WWOX: variants seen among roughly 807,000 people sequenced by gnomAD.
WWOX encodes WW domain-containing oxidoreductase.
A neutral mutation model predicts 46.2 loss-of-function variants in WWOX; 69 were observed. The observed-to-expected ratio is 1.49, with a 90% CI of 1.23 to 1.82. WWOX has a LOEUF of 1.82. WWOX is among the 40% of genes most tolerant of loss of function. WWOX has a pLI of 0.00. For missense variants in WWOX, 919 were observed against 542.6 expected, an observed-to-expected ratio of 1.69 and a Z score of -6.89; for synonymous variants, 359 against 202.6, an observed-to-expected ratio of 1.77 and a Z score of -6.56.
At chr16:78,111,525 C>G (rs1024605431) in intron 3 of WWOX, among the ~76,000 whole-genome samples, 2 of 152,266 alleles carry the variant, frequency 1.3e-5, no homozygotes, top group African/African-American at 4.8e-5. Flanking sequence ...AGCGGTAACG[C>G]CAGTGTCTGG....
chr16:78,796,263 C>G (rs1014002206), intron 8 of WWOX, among the ~76,000 whole-genome samples: 1 of 152,244 alleles, frequency 6.6e-6, no homozygotes, highest in Non-Finnish European at 1.5e-5. Context: ...CTGTGATTCA[C>G]TGACCCAGAC....
chr16:78,996,452 C>G, intron 8 of WWOX: 2 of 521,522 alleles, frequency 3.8e-6, no homozygotes, highest in Non-Finnish European at 4.8e-6. Flanking sequence ...ATTCAAAGTG[C>G]TCAGCACTGG....
chr16:78,390,774 A>C (rs570001544), intron 6 of WWOX, among the ~76,000 whole-genome samples: 1 of 152,180 alleles, frequency 6.6e-6, no homozygotes, highest in African/African-American at 2.4e-5. Flanking sequence ...TCAGACATTA[A>C]AATTTTCTTG....
chr16:78,992,454 GAC>G (rs1454472717), intron 8 of WWOX, among the ~76,000 whole-genome samples: 1 of 152,128 alleles, frequency 6.6e-6, no homozygotes, highest in Non-Finnish European at 1.5e-5. Context: ...GCAAAAGAGT[GAC>G]ACTCTATCTC....
chr16:79,140,712 A>C (rs2050072816), intron 8 of WWOX, among the ~76,000 whole-genome samples: 1 of 152,182 alleles, frequency 6.6e-6, no homozygotes, highest in Non-Finnish European at 1.5e-5. Flanking sequence ...CATTCACACA[A>C]AATGGGACAT....
intron 8 of WWOX, among the ~76,000 whole-genome samples, chr16:79,094,080 A>G (rs2049019012): frequency 6.6e-6 from 1 of 152,154 alleles, no homozygotes; most frequent in African/African-American, 2.4e-5. Flanking sequence ...GTGCCCACCT[A>G]GCACTCATCC....
At chr16:78,912,319 G>C (rs1477206035) in intron 8 of WWOX, among the ~76,000 whole-genome samples, 2 of 152,002 alleles carry the variant, frequency 1.3e-5, no homozygotes, top group Non-Finnish European at 2.9e-5. Flanking sequence ...CCTTATGTGT[G>C]TTATTTTATT....
At chr16:78,307,750 A>G (rs2080160521) in intron 5 of WWOX, among the ~76,000 whole-genome samples, 1 of 151,570 alleles carries the variant, frequency 6.6e-6, no homozygotes, top group Non-Finnish European at 1.5e-5. Context: ...CCTGCCTCCC[A>G]CATACTGGAC....
chr16:79,147,985 G>C (rs994071286), intron 8 of WWOX, among the ~76,000 whole-genome samples: 2 of 151,832 alleles, frequency 1.3e-5, no homozygotes, highest in Non-Finnish European at 2.9e-5. Flanking sequence ...TTCTTTGTTG[G>C]ATATGTGGTT....
chr16:78,918,679 C>G (rs1050812005), intron 8 of WWOX, among the ~76,000 whole-genome samples: 1 of 152,166 alleles, frequency 6.6e-6, no homozygotes, highest in African/African-American at 2.4e-5. Context: ...ATCCTGAAAG[C>G]ACTGCATCCA....
intron 8 of WWOX, among the ~76,000 whole-genome samples, chr16:78,998,696 T>C (rs1404747112): frequency 1.3e-5 from 2 of 152,256 alleles, no homozygotes; most frequent in Admixed American, 6.5e-5. Context: ...TGAAGGACTC[T>C]TTCATTATCG....
intron 8 of WWOX, among the ~76,000 whole-genome samples, chr16:78,781,548 T>G (rs1018810605): frequency 1.3e-5 from 2 of 152,190 alleles, no homozygotes; most frequent in Admixed American, 1.3e-4. Context: ...ACCTGTTGCT[T>G]TTGTGTGCTT....
intron 8 of WWOX, among the ~76,000 whole-genome samples, chr16:78,828,576 G>T (rs2051725709): frequency 6.6e-6 from 1 of 151,470 alleles, no homozygotes; most frequent in African/African-American, 2.4e-5. Context: ...ATTTATTAAG[G>T]TCCTACTATA....
chr16:78,892,985 C>A (rs1456363956), intron 8 of WWOX, among the ~76,000 whole-genome samples: 2 of 152,164 alleles, frequency 1.3e-5, no homozygotes, highest in Non-Finnish European at 2.9e-5. Flanking sequence ...TGGATTCCTT[C>A]CTTCAAGAGC....
At chr16:78,465,032 G>C (rs1597122726) in intron 8 of WWOX, among the ~76,000 whole-genome samples, 1 of 152,102 alleles carries the variant, frequency 6.6e-6, no homozygotes, top group South Asian at 2.1e-4. Context: ...CGTGTGCAGG[G>C]GAACTGCCCT....
rs527620652 is a variant in WWOX, at chr16:78,972,298, C to T, written c.1057-239310C>T. 3.0e-4 allele frequency among the ~76,000 whole-genome samples: 46 copies of T among 152,152 alleles called. No homozygotes were observed. In the East Asian group the frequency reaches 4.4e-3, roughly 15 times the overall value. On this transcript the variant is annotated intron_variant, in intron 8 of 8. Coordinates refer to ENST00000566780, the MANE Select transcript of WWOX (RefSeq NM_016373.4). ...TACTTAAGACATCTGCTCAGAGTCTCGCATTATAAATGAATGGAAAGGATC... is the reference window on the plus strand; with the variant it reads ...TACTTAAGACATCTGCTCAGAGTCTTGCATTATAAATGAATGGAAAGGATC...
intron 5 of WWOX, among the ~76,000 whole-genome samples, chr16:78,236,656 A>T (rs1002242615): frequency 6.6e-6 from 1 of 152,182 alleles, no homozygotes; most frequent in African/African-American, 2.4e-5. Flanking sequence ...GACACTAGTA[A>T]CCATGAACCT....
chr16:78,799,754 G>A lies in WWOX; in HGVS notation c.1056+367002G>A, dbSNP rs1271092184. 2.6e-5 allele frequency among the ~76,000 whole-genome samples: 4 copies of A among 152,192 alleles called. No homozygotes were observed. The South Asian group carries it at 6.2e-4, about 24-fold the overall frequency. On this transcript the variant is annotated intron_variant, in intron 8 of 8. Coordinates refer to ENST00000566780, the MANE Select transcript of WWOX (RefSeq NM_016373.4). ...GAAAGTACACAAATGGAGAGAGGGGGAATTGGGCATGCCATTGGGAGAACA... is the reference window on the plus strand; with the variant it reads ...GAAAGTACACAAATGGAGAGAGGGGAAATTGGGCATGCCATTGGGAGAACA...
intron 8 of WWOX, among the ~76,000 whole-genome samples, chr16:78,863,428 G>T (rs909602511): frequency 6.6e-6 from 1 of 152,162 alleles, no homozygotes; most frequent in Non-Finnish European, 1.5e-5. Flanking sequence ...ATAATATGCA[G>T]CATTATATTC....
Sources: gnomAD v4.1 joint callset for allele counts (sites outside exome capture counted in the v4.1 genomes callset) on GRCh38, gnomAD v4.1.1 for gene constraint, MANE v1.5 for transcripts, NCBI Gene and HGNC (gene_info 2026-07-23, HGNC 2026-07-21) for gene names.